The following GALNT13 variants were observed in gnomAD, a reference collection of about 807,000 sequenced individuals.
The protein encoded by GALNT13 is polypeptide N-acetylgalactosaminyltransferase 13.
GALNT13 carries 28 observed loss-of-function variants against 64.2 expected under a neutral mutation model. That is an observed-to-expected ratio of 0.44 (90% CI 0.32 to 0.60). GALNT13 has a LOEUF of 0.60. Ranked by LOEUF, GALNT13 falls within the 20% of genes least tolerant of loss-of-function variation. The pLI is 0.05. For synonymous variants in GALNT13, 214 were observed against 224.6 expected (o/e 0.95, Z 0.42); for missense variants, 577 against 669.8 (o/e 0.86, Z 1.53).
At chr2:153,937,105 A>G (rs933554931) in intron 2 of GALNT13, among the ~76,000 whole-genome samples, 3 of 152,214 alleles carry the variant, frequency 2.0e-5, no homozygotes, top group Admixed American at 1.3e-4. Flanking sequence ...AAGACATAGC[A>G]TATGATCAAG....
At chr2:153,243,219 T>A in the GALNT13 span, among the ~76,000 whole-genome samples, 2 of 152,158 alleles carry the variant, frequency 1.3e-5, no homozygotes, top group Non-Finnish European at 2.9e-5. Flanking sequence ...TGTAATGGAA[T>A]GCATGGTAGA....
At chr2:153,731,503 TATA>T in the GALNT13 span, among the ~76,000 whole-genome samples, 6 of 151,960 alleles carry the variant, frequency 3.9e-5, no homozygotes, top group South Asian at 1.0e-3. Flanking sequence ...TTACTGATAA[TATA>T]ATAATAATGT....
intron 3 of GALNT13, among the ~76,000 whole-genome samples, chr2:154,015,572 C>G (rs567572467): frequency 2.1e-3 from 314 of 152,284 alleles, no homozygotes; most frequent in African/African-American, 7.3e-3. Flanking sequence ...CAACTTTTCC[C>G]ATTTTATTCT....
At chr2:153,591,797 C>T in the GALNT13 span, among the ~76,000 whole-genome samples, 1 of 151,942 alleles carries the variant, frequency 6.6e-6, no homozygotes, top group Non-Finnish European at 1.5e-5. Context: ...ATTTCAAAAG[C>T]ACAGGCAATA....
chr2:153,719,905 G>T, the GALNT13 span, among the ~76,000 whole-genome samples: 11 of 152,140 alleles, frequency 7.2e-5, no homozygotes, highest in Admixed American at 4.6e-4. Context: ...CCATTGCCCA[G>T]GCTTGCTTAG....
intron 1 of GALNT13, among the ~76,000 whole-genome samples, chr2:153,895,323 A>G (rs189937814): frequency 7.0e-4 from 106 of 152,022 alleles, no homozygotes; most frequent in Non-Finnish European, 1.2e-3. Flanking sequence ...ATTTTTTTCT[A>G]TGTTCTGAGT....
chr2:153,294,655 A>G, the GALNT13 span, among the ~76,000 whole-genome samples: 1 of 152,190 alleles, frequency 6.6e-6, no homozygotes, highest in Non-Finnish European at 1.5e-5. Flanking sequence ...ATGCGTTTGC[A>G]GAATATGAGA....
At chr2:154,121,674 C>G (rs961841923) in intron 3 of GALNT13, among the ~76,000 whole-genome samples, 1 of 151,682 alleles carries the variant, frequency 6.6e-6, no homozygotes, top group African/African-American at 2.4e-5. Flanking sequence ...AGTCACAATA[C>G]TATAGCACCA....
intron 9 of GALNT13, among the ~76,000 whole-genome samples, chr2:154,312,977 G>A (rs1434887246): frequency 6.6e-6 from 1 of 151,978 alleles, no homozygotes. Flanking sequence ...TTGTATTCAT[G>A]AAATAGAACT....
the GALNT13 span, among the ~76,000 whole-genome samples, chr2:153,322,997 C>G: frequency 6.6e-6 from 1 of 152,038 alleles, no homozygotes; most frequent in African/African-American, 2.4e-5. Context: ...GATTTGTAAT[C>G]CTTTGGGTAT....
the GALNT13 span, among the ~76,000 whole-genome samples, chr2:153,844,882 G>A: frequency 6.6e-6 from 1 of 152,172 alleles, no homozygotes; most frequent in Non-Finnish European, 1.5e-5. Flanking sequence ...TGAACACAGT[G>A]CAGCCAACTC....
At chr2:153,893,110 T>C (rs1687658534) in intron 1 of GALNT13, among the ~76,000 whole-genome samples, 1 of 152,068 alleles carries the variant, frequency 6.6e-6, no homozygotes, top group Non-Finnish European at 1.5e-5. Context: ...CCAATCATTA[T>C]AACTACATTT....
At chr2:153,398,311 C>A in the GALNT13 span, among the ~76,000 whole-genome samples, 1 of 152,134 alleles carries the variant, frequency 6.6e-6, no homozygotes, top group Non-Finnish European at 1.5e-5. Context: ...TTTTCTTAAT[C>A]CAGTCTATCA....
At chr2:153,580,304 C>A in the GALNT13 span, among the ~76,000 whole-genome samples, 12 of 151,820 alleles carry the variant, frequency 7.9e-5, no homozygotes, top group African/African-American at 2.7e-4. Context: ...TCTAGAATAC[C>A]CAACTTGAGC....
the GALNT13 span, among the ~76,000 whole-genome samples, chr2:153,711,423 A>G: frequency 1.3e-5 from 2 of 152,128 alleles, no homozygotes; most frequent in African/African-American, 4.8e-5. Flanking sequence ...ACCGTGTACT[A>G]GGAACTATGC....
the GALNT13 span, among the ~76,000 whole-genome samples, chr2:153,472,732 ATAAAAC>A: frequency 6.6e-6 from 1 of 152,206 alleles, no homozygotes; most frequent in Non-Finnish European, 1.5e-5. Flanking sequence ...TATTTAGAAA[ATAAAAC>A]TATCCATTAT....
chr2:153,840,525 C>T, the GALNT13 span, among the ~76,000 whole-genome samples: 1 of 151,900 alleles, frequency 6.6e-6, no homozygotes, highest in South Asian at 2.1e-4. Context: ...TTTAATTTTT[C>T]CCATATGAAA....
At chr2:154,247,583 A>G (rs1474332776) in intron 7 of GALNT13, among the ~76,000 whole-genome samples, 2 of 152,078 alleles carry the variant, frequency 1.3e-5, no homozygotes, top group African/African-American at 2.4e-5. Context: ...GCCAGCATTC[A>G]CAGTAAGAAA....
At chr2:153,717,871 T>G in the GALNT13 span, among the ~76,000 whole-genome samples, 1 of 152,194 alleles carries the variant, frequency 6.6e-6, no homozygotes, top group African/African-American at 2.4e-5. Flanking sequence ...TTCTCAGCAT[T>G]TGGTGCTTGG....
Sources: gnomAD v4.1 joint callset for allele counts (sites outside exome capture counted in the v4.1 genomes callset) on GRCh38, gnomAD v4.1.1 for gene constraint, MANE v1.5 for transcripts, NCBI Gene and HGNC (gene_info 2026-07-23, HGNC 2026-07-21) for gene names.